TRMU: variants seen among roughly 807,000 people sequenced by gnomAD.
The protein encoded by TRMU is mitochondrial tRNA-specific 2-thiouridylase 1.
Under a neutral mutation model 46.9 loss-of-function variants are expected in TRMU, and 49 were observed. The observed-to-expected ratio is 1.05, with a 90% CI of 0.83 to 1.33. The LOEUF is 1.33. TRMU is among the 40% of genes most tolerant of loss of function. The pLI, the probability that TRMU is intolerant of heterozygous loss-of-function variation, is 0.00. For missense variants in TRMU, 572 were observed against 532.4 expected, an observed-to-expected ratio of 1.07 and a Z score of -0.73; for synonymous variants, 241 against 200.9, an observed-to-expected ratio of 1.20 and a Z score of -1.69.
rs990476156 is a variant in TRMU at position 46,350,558 on chromosome 22, C to T, written c.651+95C>T. On this transcript the variant is annotated intron_variant, in intron 5 of 10. Coordinates refer to ENST00000645190, the MANE Select transcript of TRMU (RefSeq NM_018006.5). This position sits in a 1 kb window ranked among gnomAD's most constrained non-coding sequence, Gnocchi z 4.6. ...GACCTGTGGGTCCCGCACCACTTCC[C>T]CTTCTCCAGGACCTAACATCAAAGG... 6.8e-7 allele frequency: 1 copy of T among 1,478,660 alleles called. No homozygotes were observed. The highest frequency in any genetic ancestry group is 9.4e-7 in the Non-Finnish European group (1 of 1,064,298). 91.6% of individuals were successfully genotyped at this position (1,478,660 alleles called of 1,614,324 possible).
intron 7 of TRMU, chr22:46,352,847 G>A (rs1352943336): frequency 1.1e-5 from 3 of 262,496 alleles, no homozygotes; most frequent in Non-Finnish European, 2.2e-5. Flanking sequence ...GACAGGCTCC[G>A]AGTCAGTCAC....
intron 3 of TRMU, among the ~76,000 whole-genome samples, chr22:46,344,956 G>A (rs1243615479): frequency 6.6e-6 from 1 of 152,190 alleles, no homozygotes; most frequent in Non-Finnish European, 1.5e-5. Flanking sequence ...TGGAGCTAGT[G>A]TGGCTGGTCC....
rs143365146 is a variant in TRMU at position 46,341,074 on chromosome 22, G to C, written c.249-2188G>C. Among the ~76,000 whole-genome samples, 6 of 152,364 alleles carry C rather than the reference G, an allele frequency of 3.9e-5. No individual in the cohort carries two copies. In the East Asian group the frequency reaches 5.8e-4, roughly 15 times the overall value. On this transcript the variant is annotated intron_variant, in intron 2 of 10. Transcript: ENST00000645190. ...ATCAGAGTCCAGATACGTTTTAGCT[G>C]CTGAGTCTTTTAAATCTGTCTCCCT...
chr22:46,350,243 A>G lies in TRMU; in HGVS notation c.479-48A>G. 2.5e-6 allele frequency: 4 copies of G among 1,610,262 alleles called. No homozygotes were observed. In the African/African-American group the frequency reaches 4.0e-5, roughly 16 times the overall value. ...AGAAGGACATTGTTGAAAGTGAAGT[A>G]TCATTATTTTTATTCCTGCATCGTC... On this transcript the variant is annotated intron_variant, in intron 4 of 10. Transcript: ENST00000645190. This position sits in a 1 kb window ranked among gnomAD's most constrained non-coding sequence, Gnocchi z 4.6.
rs200574410 is a variant in TRMU, at chr22:46,343,277, G to T, written c.264G>T (p.Glu88Asp). Residue 88 changes from glutamate (E) to aspartate (D), a missense_variant, in exon 3 of 11, where the codon GAG becomes GAT. Glu to Asp is a conservative substitution (Grantham distance 45, BLOSUM62 2). Coordinates refer to ENST00000645190, the MANE Select transcript of TRMU (RefSeq NM_018006.5). Reference protein sequence around the residue: ...WNDVFSDFLNEYEKGRTPNPD... With the variant: ...WNDVFSDFLNDYEKGRTPNPD... ...TTTATTCTAGTGACTTTTTGAATGA[G>T]TATGAAAAAGGAAGGACTCCCAATC... The T allele has an allele frequency of 8.2e-5, 133 of 1,612,514 alleles. No homozygotes were observed. The highest frequency in any genetic ancestry group is 1.0e-4 in the Non-Finnish European group (122 of 1,179,154).
At position 46,355,444 on chromosome 22, in the gene TRMU, G is replaced by A. The variant is rs1569087638; in HGVS notation, c.874G>A (p.Ala292Thr). 1.2e-6 allele frequency: 2 copies of A among 1,612,402 alleles called. No individual in the cohort carries two copies. The highest frequency in any genetic ancestry group is 1.7e-6 in the Non-Finnish European group (2 of 1,179,506). The change falls in exon 9 of 11, where the codon GCC becomes ACC. Residue 292 changes from alanine (A) to threonine (T), a missense_variant and splice_region_variant. Ala to Thr is a moderately conservative substitution (Grantham distance 58). Coordinates refer to ENST00000645190, the MANE Select transcript of TRMU (RefSeq NM_018006.5). ...CCCACCTTCACATTCCATTCTGCAG[G>A]CCCCCCGGACAGACCACCCAGCCCT... is the stretch of plus-strand genomic sequence containing the variant. ...KDSVKGDVFV[A>T]PRTDHPALYR...
In TRMU at chr22:46,353,796, G is replaced by A. The variant is rs201828556; in HGVS notation, c.802G>A (p.Ala268Thr). 4.3e-6 allele frequency: 7 copies of A among 1,613,844 alleles called. No individual in the cohort carries two copies. The highest frequency in any genetic ancestry group is 1.6e-4 in the Middle Eastern group (1 of 6,084). The change falls in exon 8 of 11, where the codon GCA becomes ACA. Residue 268 changes from alanine to threonine, a missense_variant. By Grantham distance (58) the Ala-to-Thr change is moderately conservative. Coordinates refer to ENST00000645190, the MANE Select transcript of TRMU (RefSeq NM_018006.5). The stretch of plus-strand genomic sequence containing the variant: ...GTTCCTGTATACCTTGGGCCAGAGA[G>A]CAAACATAGGTGGCCTGAGAGAGCC... Reference protein sequence around the residue: ...GWFLYTLGQRANIGGLREPWY... With the variant: ...GWFLYTLGQRTNIGGLREPWY...
chr22:46,355,767 G>A (rs909701392), intron 9 of TRMU, 179 bp downstream of exon 9: 2 of 1,192,732 alleles, frequency 1.7e-6, no homozygotes, highest in Admixed American at 2.0e-5. Flanking sequence ...AGGCCTGGGG[G>A]TGCTGGGAGC....
At position 46,348,940 on chromosome 22, in the gene TRMU, C is replaced by T. The variant is rs138886323; in HGVS notation, c.479-1351C>T. Among the ~76,000 whole-genome samples, 152 of 152,072 alleles carry T rather than the reference C, an allele frequency of 1.0e-3. 2 individuals are homozygous for T. In the East Asian group the frequency reaches 0.026, roughly 26 times the overall value. ...ATGAGGTCAGGAGTTCCAGACCAGCCTGGCCAACATGGTGAAACCCCATCT... is the reference window on the plus strand; with the variant it reads ...ATGAGGTCAGGAGTTCCAGACCAGCTTGGCCAACATGGTGAAACCCCATCT... On this transcript the variant is annotated intron_variant, in intron 4 of 10. Coordinates refer to ENST00000645190, the MANE Select transcript of TRMU (RefSeq NM_018006.5). This position sits in a 1 kb window ranked among gnomAD's most constrained non-coding sequence, Gnocchi z 4.8.
At position 46,348,302 on chromosome 22, in the gene TRMU, C is replaced by T. The variant is rs1349465016; in HGVS notation, c.478+1758C>T. Among the ~76,000 whole-genome samples, 1 of 152,204 alleles carries T rather than the reference C, an allele frequency of 6.6e-6. No individual in the cohort carries two copies. Among genetic ancestry groups the T allele is most frequent in the Non-Finnish European group, 1.5e-5 (1 of 68,044 alleles). On this transcript the variant is annotated intron_variant, in intron 4 of 10. Coordinates refer to ENST00000645190, the MANE Select transcript of TRMU (RefSeq NM_018006.5). The surrounding 1 kb of genome is among the most constrained non-coding windows in gnomAD (Gnocchi z 4.8). ...CGACCTTTATTATAGGCCACGTGCCCTCGGAAACTTGGGACAGTACTGATG... is the reference window on the plus strand; with the variant it reads ...CGACCTTTATTATAGGCCACGTGCCTTCGGAAACTTGGGACAGTACTGATG...
At chr22:46,356,205 A>G (rs1002234013) in intron 10 of TRMU, 133 bp downstream of exon 10, 14 of 935,206 alleles carry the variant, frequency 1.5e-5, no homozygotes, top group Non-Finnish European at 2.0e-5. Flanking sequence ...GTGAGGGCAG[A>G]GTGCCACCAG....
intron 10 of TRMU, 64 bp from the exon 11 acceptor site, chr22:46,356,778 T>C (rs2078623136): frequency 6.3e-7 from 1 of 1,595,954 alleles, no homozygotes; most frequent in South Asian, 1.1e-5. Context: ...GGGAGCACTC[T>C]GCCCCTGCCT....
At chr22:46,355,348 T>TGTGC (rs1210206314) in intron 8 of TRMU, 96 bp from the exon 9 acceptor site, 17 of 1,522,134 alleles carry the variant, frequency 1.1e-5, no homozygotes, top group Non-Finnish European at 1.5e-5. Flanking sequence ...TGTGTGTGTG[T>TGTGC]GTGCTGGTAG....
intron 8 of TRMU, chr22:46,354,311 C>T (rs1014672540): frequency 2.3e-5 from 5 of 215,294 alleles, no homozygotes; most frequent in Non-Finnish European, 4.7e-5. Flanking sequence ...CCACTGTGAC[C>T]CTGGCCTCAA....
chr22:46,355,856 C>G, intron 9 of TRMU, 134 bp from the exon 10 acceptor site: 1 of 1,120,192 alleles, frequency 8.9e-7, no homozygotes, highest in Non-Finnish European at 1.3e-6. Context: ...GTCCAGGGCC[C>G]AGGCTGGTGC....
rs1464624017 is a variant in TRMU at position 46,348,700 on chromosome 22, C to T, written c.479-1591C>T. Among the ~76,000 whole-genome samples, 2 of 152,198 alleles carry T rather than the reference C, an allele frequency of 1.3e-5. No homozygotes were observed. The highest frequency in any genetic ancestry group is 2.4e-5 in the African/African-American group (1 of 41,448). On this transcript the variant is annotated intron_variant, in intron 4 of 10. Coordinates refer to ENST00000645190, the MANE Select transcript of TRMU (RefSeq NM_018006.5). This position sits in a 1 kb window ranked among gnomAD's most constrained non-coding sequence, Gnocchi z 4.8. ...TCCTCTATAGCAGTTCAGTTAGGGT[C>T]GCCAGCTTGCTTTTTTGAAAATCAT...
chr22:46,346,465 G>A lies in TRMU; in HGVS notation c.399G>A (p.Leu133=). 2 of 1,613,658 alleles carry A rather than the reference G, an allele frequency of 1.2e-6. No homozygotes were observed. Among genetic ancestry groups the A allele is most frequent in the Non-Finnish European group, 1.7e-6 (2 of 1,179,682 alleles). Residue 133 remains leucine (L), a synonymous_variant, in exon 4 of 11, where the codon CTG becomes CTA. Coordinates refer to ENST00000645190, the MANE Select transcript of TRMU (RefSeq NM_018006.5). Reference sequence around the variant, plus strand: ...CAGGTCACTATGCAAGAACTTCCCTGGAAGATGAAGAAGTCTTTGAGCAGA... The same window carrying A: ...CAGGTCACTATGCAAGAACTTCCCTAGAAGATGAAGAAGTCTTTGAGCAGA... ...IATGHYARTS[L]EDEEVFEQKH... is the part of the protein sequence containing the mutation.
At chr22:46,345,679 T>TA (rs2078234614) in intron 3 of TRMU, among the ~76,000 whole-genome samples, 1 of 152,096 alleles carries the variant, frequency 6.6e-6, no homozygotes, top group Admixed American at 6.6e-5. Flanking sequence ...CCCGTGTTAG[T>TA]AAACATTCTC....
chr22:46,352,210 G>C (rs775037018), intron 6 of TRMU, 36 bp downstream of exon 6: 1 of 1,614,140 alleles, frequency 6.2e-7, no homozygotes, highest in African/African-American at 1.3e-5. Flanking sequence ...AGATGGGGCT[G>C]CGTGTCTGCC....
Sources: gnomAD v4.1 joint callset for allele counts (sites outside exome capture counted in the v4.1 genomes callset) on GRCh38, gnomAD v4.1.1 for gene constraint, Gnocchi (gnomAD v3.1) non-coding constraint, MANE v1.5 for transcripts, NCBI Gene and HGNC (gene_info 2026-07-23, HGNC 2026-07-21) for gene names.